Variants in HYDIN observed in about 807,000 individuals in gnomAD.
HYDIN encodes the protein HYDIN axonemal central pair apparatus protein, also known as axonemal central pair apparatus protein HYDIN.
Under a neutral mutation model 403.9 loss-of-function variants are expected in HYDIN, and 132 were observed. That is an observed-to-expected ratio of 0.33 (90% CI 0.28 to 0.38). The LOEUF is 0.38. Among genes scored for constraint, HYDIN ranks in the 10% least tolerant of loss-of-function variants. HYDIN has a pLI of 1.00. For synonymous variants in HYDIN, 1,202 were observed against 1,891.7 expected, an observed-to-expected ratio of 0.64 and a Z score of 9.46; for missense variants, 2,827 against 5,009.5, an observed-to-expected ratio of 0.56 and a Z score of 13.15.
intron 1 of HYDIN, among the ~76,000 whole-genome samples, chr16:71,196,089 A>AC (rs1187178568): frequency 6.6e-6 from 1 of 152,262 alleles, no homozygotes; most frequent in Non-Finnish European, 1.5e-5. Flanking sequence ...CCAAGAATCT[A>AC]CAAGTATTAT....
At chr16:70,857,605 G>T in intron 72 of HYDIN, 100 bp downstream of exon 72, 1 of 1,241,632 alleles carries the variant, frequency 8.1e-7, no homozygotes, top group East Asian at 2.5e-5. Flanking sequence ...CTTCTGGAAG[G>T]GACCAGGAGA....
intron 1 of HYDIN, among the ~76,000 whole-genome samples, chr16:71,213,150 C>G (rs1041883314): frequency 2.0e-4 from 31 of 152,004 alleles, no homozygotes; most frequent in African/African-American, 7.5e-4. Context: ...GGGAATTCAC[C>G]TTGGCAGACT....
At position 70,837,684 on chromosome 16, in the gene HYDIN, T is replaced by A. The variant is rs754685877; in HGVS notation, c.13242+6A>T. ...CACGCCTGAAGGCCTCCCGACTGTC[T>A]GTTACCTTCATTTTGGTACCCTTCC... On this transcript the variant is annotated splice_donor_region_variant and intron_variant, in intron 77 of 85. Coordinates refer to ENST00000393567, the MANE Select transcript of HYDIN (RefSeq NM_001270974.2). 6.2e-7 allele frequency: 1 copy of A among 1,613,776 alleles called. No homozygotes were observed. Among genetic ancestry groups the A allele is most frequent in the African/African-American group, 1.3e-5 (1 of 74,914 alleles).
chr16:70,808,088 C>T (rs543680226), intron 85 of HYDIN, 26 bp from the exon 86 acceptor site: 24 of 1,575,838 alleles, frequency 1.5e-5, no homozygotes, highest in Non-Finnish European at 2.1e-5. Flanking sequence ...ACAAACTCAG[C>T]TCACGTGAGA....
At chr16:71,066,304 T>A (rs2082262470) in intron 15 of HYDIN, among the ~76,000 whole-genome samples, 1 of 152,138 alleles carries the variant, frequency 6.6e-6, no homozygotes, top group African/African-American at 2.4e-5. Context: ...GAATACTAAG[T>A]AGGTCACAGT....
At chr16:71,203,504 TTAGAA>T (rs754527104) in intron 1 of HYDIN, among the ~76,000 whole-genome samples, 2 of 152,186 alleles carry the variant, frequency 1.3e-5, no homozygotes, top group African/African-American at 4.8e-5. Context: ...CTCATTTCTA[TTAGAA>T]TAGGAGAGAA....
intron 25 of HYDIN, among the ~76,000 whole-genome samples, chr16:70,989,865 T>C (rs1178198411): frequency 6.6e-6 from 1 of 152,168 alleles, no homozygotes; most frequent in East Asian, 1.9e-4. Flanking sequence ...GATATGACGA[T>C]GAACAAAACA....
At chr16:70,834,601 A>T (rs1283216949) in intron 78 of HYDIN, among the ~76,000 whole-genome samples, 1 of 152,070 alleles carries the variant, frequency 6.6e-6, no homozygotes, top group Non-Finnish European at 1.5e-5. Context: ...TAATCCCAGC[A>T]CTTTGGGAGG....
At chr16:71,094,697 T>C (rs11860494) in intron 10 of HYDIN, among the ~76,000 whole-genome samples, 5,230 of 152,114 alleles carry the variant, frequency 0.034, 64 homozygotes, top group African/African-American at 0.12. Context: ...AACGTCGTGA[T>C]AATGCACTTG....
At chr16:71,020,063 C>T in intron 22 of HYDIN, 111 bp downstream of exon 22, 1 of 818,688 alleles carries the variant, frequency 1.2e-6, no homozygotes. Flanking sequence ...TTCCTGGATC[C>T]TTTACATCTT....
chr16:71,203,745 A>T (rs2088146682), intron 1 of HYDIN: 1 of 455,950 alleles, frequency 2.2e-6, no homozygotes, highest in Non-Finnish European at 4.4e-6. Flanking sequence ...GCAGAGGCTC[A>T]TATGGGTCCA....
chr16:70,843,340 A>G (rs1259040537), intron 75 of HYDIN, among the ~76,000 whole-genome samples: 10 of 141,614 alleles, frequency 7.1e-5, no homozygotes, highest in Admixed American at 1.4e-4. Flanking sequence ...ATGATTTCCA[A>G]TTTCATCCAT....
At chr16:70,909,688 CTTTTTT>C (rs74464612) in intron 47 of HYDIN, among the ~76,000 whole-genome samples, 1 of 64,776 alleles carries the variant, frequency 1.5e-5, no homozygotes, top group Non-Finnish European at 2.9e-5. Flanking sequence ...TCAGGCATGT[CTTTTTT>C]TTTTTTTTTT....
chr16:70,921,527 A>G (rs1234803795), intron 45 of HYDIN, among the ~76,000 whole-genome samples: 2 of 152,164 alleles, frequency 1.3e-5, no homozygotes, highest in African/African-American at 2.4e-5. Flanking sequence ...CAAGGGGAAA[A>G]GACTAGCAGA....
At position 70,978,928 on chromosome 16, in the gene HYDIN, C is replaced by T; in HGVS notation, c.4624G>A (p.Asp1542Asn). 6.2e-7 allele frequency: 1 copy of T among 1,613,774 alleles called. No homozygotes were observed. Residue 1542 changes from aspartate (D) to asparagine (N), a missense_variant, in exon 30 of 86, where the codon GAC (aspartate) becomes AAC (asparagine). Physicochemically the swap from Asp to Asn is conservative, Grantham distance 23 (BLOSUM62 1). Transcript: ENST00000393567. ...AGCTGTCTTACCTCAGCAGGCTCGTCTTCTGGCACTTCCTCAGTTATTATG... is the reference window on the plus strand; with the variant it reads ...AGCTGTCTTACCTCAGCAGGCTCGTTTTCTGGCACTTCCTCAGTTATTATG... ...FDIITEEVPE[D>N]EPAEVSAHLQ...
chr16:71,208,508 G>A (rs2088414357), intron 1 of HYDIN, among the ~76,000 whole-genome samples: 1 of 152,064 alleles, frequency 6.6e-6, no homozygotes, highest in Non-Finnish European at 1.5e-5. Flanking sequence ...AAAGAAGCAA[G>A]AGCAAACCAA....
chr16:71,126,320 A>C (rs2084454861), intron 9 of HYDIN, among the ~76,000 whole-genome samples: 1 of 151,842 alleles, frequency 6.6e-6, no homozygotes, highest in South Asian at 2.1e-4. Context: ...ATGCGTGTCG[A>C]GGCTGAAACT....
At chr16:70,901,300 A>C in intron 52 of HYDIN, 98 bp from the exon 53 acceptor site, 1 of 738,558 alleles carries the variant, frequency 1.4e-6, no homozygotes, top group East Asian at 2.6e-5. Context: ...GTTCATGTGC[A>C]GGTTTGTTGT....
At chr16:71,213,342 A>C (rs984189683) in intron 1 of HYDIN, among the ~76,000 whole-genome samples, 5 of 152,184 alleles carry the variant, frequency 3.3e-5, no homozygotes, top group Admixed American at 6.5e-5. Context: ...TATTAACAGT[A>C]AAAATAGGCT....
Sources: gnomAD v4.1 joint callset for allele counts (sites outside exome capture counted in the v4.1 genomes callset) on GRCh38, gnomAD v4.1.1 for gene constraint, MANE v1.5 for transcripts, NCBI Gene and HGNC (gene_info 2026-07-23, HGNC 2026-07-21) for gene names.